The following NRXN1 variants were observed in gnomAD, a reference collection of about 807,000 sequenced individuals.
NRXN1 encodes the protein neurexin 1.
Under a neutral mutation model 150.9 loss-of-function variants are expected in NRXN1, and 39 were observed. That is an observed-to-expected ratio of 0.26 (90% CI 0.20 to 0.34). The LOEUF (loss-of-function observed/expected upper bound fraction) is 0.34, where lower values mean the gene tolerates loss of function less well. Among genes scored for constraint, NRXN1 ranks in the 10% least tolerant of loss-of-function variants. The pLI, the probability that NRXN1 is intolerant of heterozygous loss-of-function variation, is 1.00. For missense variants in NRXN1, 1,815 were observed against 1,949.9 expected, an observed-to-expected ratio of 0.93 and a Z score of 1.30; for synonymous variants, 924 against 757.0, an observed-to-expected ratio of 1.22 and a Z score of -3.62.
At chr2:50,396,262 T>C (rs1217073586) in intron 17 of NRXN1, among the ~76,000 whole-genome samples, 3 of 152,180 alleles carry the variant, frequency 2.0e-5, no homozygotes, top group Non-Finnish European at 2.9e-5. Flanking sequence ...ATTCCTACTC[T>C]AAATAACAAA....
chr2:50,252,150 G>T, intron 17 of NRXN1, among the ~76,000 whole-genome samples: 2 of 138,982 alleles, frequency 1.4e-5, no homozygotes, highest in South Asian at 2.4e-4. Flanking sequence ...TTTCTTCTAG[G>T]GTTTTTACAG....
At position 49,919,901 on chromosome 2, in the gene NRXN1, A is replaced by G. The variant is rs1478844326; in HGVS notation, c.*2043T>C. 5.3e-5 allele frequency: 8 copies of G among 152,158 alleles called. No homozygotes were observed. The East Asian group carries it at 9.6e-4, about 18-fold the overall frequency. 9.4% of individuals were successfully genotyped at this position (152,158 alleles called of 1,614,324 possible). ...CCACTTCTTGGCTTTTTTTTCATCA[A>G]CTAAAGTATCACAAAAGATGTTTTG... is the stretch of plus-strand genomic sequence containing the variant. On this transcript the variant is annotated 3_prime_UTR_variant, in exon 23 of 23. Transcript: ENST00000401669.
chr2:50,235,996 C>T (rs1338062520), intron 18 of NRXN1, among the ~76,000 whole-genome samples: 1 of 151,822 alleles, frequency 6.6e-6, no homozygotes, highest in Non-Finnish European at 1.5e-5. Flanking sequence ...ACAAATAATG[C>T]AAGAAAATGA....
chr2:50,697,164 T>C (rs1177844705), intron 5 of NRXN1, among the ~76,000 whole-genome samples: 1 of 152,162 alleles, frequency 6.6e-6, no homozygotes, highest in Non-Finnish European at 1.5e-5. Context: ...AAAATATACT[T>C]TACAGGGAAT....
chr2:50,129,448 A>G (rs1360729902), intron 18 of NRXN1, among the ~76,000 whole-genome samples: 1 of 152,248 alleles, frequency 6.6e-6, no homozygotes, highest in East Asian at 1.9e-4. Flanking sequence ...AATAAATTGT[A>G]GAAAATTAAA....
At chr2:50,828,294 C>T (rs1473524470) in intron 5 of NRXN1, among the ~76,000 whole-genome samples, 2 of 89,482 alleles carry the variant, frequency 2.2e-5, no homozygotes, top group East Asian at 4.0e-4. Flanking sequence ...ACCTCCCTCC[C>T]GGACGGGGCG....
intron 2 of NRXN1, among the ~76,000 whole-genome samples, chr2:50,992,554 T>C (rs933850873): frequency 2.0e-5 from 3 of 151,942 alleles, no homozygotes; most frequent in African/African-American, 7.2e-5. Flanking sequence ...ACACTACCTA[T>C]TATGACAATA....
At chr2:49,957,444 T>A (rs930590707) in intron 21 of NRXN1, among the ~76,000 whole-genome samples, 1 of 152,150 alleles carries the variant, frequency 6.6e-6, no homozygotes, top group Non-Finnish European at 1.5e-5. Flanking sequence ...GAAATTAAAC[T>A]TTATTCCTAG....
chr2:50,845,637 T>G (rs1168607147), intron 5 of NRXN1, among the ~76,000 whole-genome samples: 1 of 152,204 alleles, frequency 6.6e-6, no homozygotes, highest in Non-Finnish European at 1.5e-5. Context: ...CTAACTCTAC[T>G]GCCTAGAGTG....
intron 5 of NRXN1, among the ~76,000 whole-genome samples, chr2:50,674,558 G>A (rs1689297184): frequency 6.6e-6 from 1 of 152,048 alleles, no homozygotes; most frequent in African/African-American, 2.4e-5. Flanking sequence ...TGAGTTGAGA[G>A]GCTACTGCGA....
At chr2:50,245,378 T>C (rs76963555) in intron 17 of NRXN1, among the ~76,000 whole-genome samples, 2,697 of 151,914 alleles carry the variant, frequency 0.018, 69 homozygotes, top group African/African-American at 0.062. Flanking sequence ...CAACCAATAA[T>C]CCTAAGAACA....
chr2:50,508,943 CA>C (rs2092348223), intron 12 of NRXN1, among the ~76,000 whole-genome samples: 1 of 152,244 alleles, frequency 6.6e-6, no homozygotes, highest in South Asian at 2.1e-4. Flanking sequence ...ATGGAAAGTG[CA>C]CTAGACTGGG....
chr2:50,726,371 G>A (rs987403698), intron 5 of NRXN1, among the ~76,000 whole-genome samples: 4 of 152,222 alleles, frequency 2.6e-5, no homozygotes, highest in African/African-American at 4.8e-5. Context: ...CCTTAGCTGC[G>A]CGTGGTGGCG....
chr2:50,247,404 G>C (rs2066606482), intron 17 of NRXN1, among the ~76,000 whole-genome samples: 1 of 152,044 alleles, frequency 6.6e-6, no homozygotes, highest in Admixed American at 6.6e-5. Context: ...TTAATACTCA[G>C]AGAAATCTGA....
intron 21 of NRXN1, among the ~76,000 whole-genome samples, chr2:49,986,309 T>C (rs751316918): frequency 3.3e-5 from 5 of 152,222 alleles, no homozygotes; most frequent in African/African-American, 9.6e-5. Flanking sequence ...TGTGGATATT[T>C]ACTCTATTAG....
intron 5 of NRXN1, chr2:50,920,016 G>C (rs761765055): frequency 1.0e-5 from 4 of 394,590 alleles, no homozygotes; most frequent in South Asian, 5.8e-5. Context: ...TCTGCAATTA[G>C]AGAAGACTTA....
intron 21 of NRXN1, among the ~76,000 whole-genome samples, chr2:49,958,606 C>G (rs1675386764): frequency 6.6e-6 from 1 of 152,094 alleles, no homozygotes; most frequent in Non-Finnish European, 1.5e-5. Context: ...ATAAATATAC[C>G]TTTTATCATC....
intron 8 of NRXN1, among the ~76,000 whole-genome samples, chr2:50,565,341 G>T (rs540661884): frequency 6.6e-6 from 1 of 151,952 alleles, no homozygotes; most frequent in African/African-American, 2.4e-5. Context: ...TTATGAAGAT[G>T]TGTTAATAAA....
At chr2:50,015,178 A>G (rs1440081298) in intron 21 of NRXN1, among the ~76,000 whole-genome samples, 3 of 152,156 alleles carry the variant, frequency 2.0e-5, no homozygotes, top group African/African-American at 7.2e-5. Flanking sequence ...TTATCAGAGC[A>G]TATCTTGTAC....
Sources: gnomAD v4.1 joint callset for allele counts (sites outside exome capture counted in the v4.1 genomes callset) on GRCh38, gnomAD v4.1.1 for gene constraint, MANE v1.5 for transcripts, NCBI Gene and HGNC (gene_info 2026-07-23, HGNC 2026-07-21) for gene names.